The following MAGEA10 variants were observed in gnomAD, a reference collection of about 807,000 sequenced individuals.
MAGEA10 encodes the protein MAGE family member A10.
MAGEA10 carries 7 observed loss-of-function variants against 8.6 expected under a neutral mutation model. The ratio of observed to expected loss-of-function variants is 0.82; its 90% CI spans 0.46 to 1.53. The LOEUF is 1.53. Ranked by LOEUF, MAGEA10 falls within the 40% of genes most tolerant of loss-of-function variation. The pLI is 0.01. For synonymous variants in MAGEA10, 125 were observed against 107.4 expected (o/e 1.16, Z -1.02); for missense variants, 293 against 274.0 (o/e 1.07, Z -0.49).
intron 2 of MAGEA10, 128 bp downstream of exon 2, chrX:152,136,743 C>T (rs766905853): frequency 2.7e-5 from 3 of 111,733 alleles, no homozygotes; most frequent in South Asian, 3.8e-4. Flanking sequence ...TTGTATAAGA[C>T]AGGGAGACTC....
At position 152,134,533 on chromosome X, in the gene MAGEA10, C is replaced by A; in HGVS notation, c.1088G>T (p.Gly363Val). Residue 363 changes from glycine (G) to valine (V), a missense_variant, in exon 4 of 4, where the codon GGT becomes GTT. Gly to Val is a moderately radical substitution (Grantham distance 109). Coordinates refer to ENST00000370323, the MANE Select transcript of MAGEA10 (RefSeq NM_021048.5). ...AMASASSSAT[G>V]SFSYPE ...ACTTTATTCAGGGTAGGAGAAGCTA[C>A]CTGTAGCGCTAGAACTTGCACTGGC... 3 of 1,208,079 alleles carry A rather than the reference C, an allele frequency of 2.5e-6. No homozygotes were observed. The highest frequency in any genetic ancestry group is 3.4e-6 in the Non-Finnish European group (3 of 893,607).
At position 152,135,629 on chromosome X, in the gene MAGEA10, T is replaced by A. The variant is rs1936658993; in HGVS notation, c.-9A>T. ...TTTGGAGCTCGAGGCATGATGACTCTGATCAGGGTAGCAGGTGGGAGTGTG... is the reference window on the plus strand; with the variant it reads ...TTTGGAGCTCGAGGCATGATGACTCAGATCAGGGTAGCAGGTGGGAGTGTG... On this transcript the variant is annotated 5_prime_UTR_variant, in exon 4 of 4. Transcript: ENST00000370323. 6.2e-6 allele frequency: 7 copies of A among 1,129,008 alleles called. No homozygotes were observed. In the South Asian group the frequency reaches 1.7e-4, roughly 27 times the overall value. The allele number at this position is 1,129,008 out of a possible 1,213,427, so 93.0% of individuals were successfully genotyped here. A position where few individuals can be genotyped will look rare whatever the true frequency, so the allele number is the denominator to read the frequency against.
At chrX:152,137,292 C>T (rs1045308878) in intron 1 of MAGEA10, among the ~76,000 whole-genome samples, 2 of 107,158 alleles carry the variant, frequency 1.9e-5, no homozygotes, top group Admixed American at 2.0e-4. Context: ...CCTGTAATAA[C>T]TTCTTAGCAA....
chrX:152,137,765 C>T (rs1039672712), intron 1 of MAGEA10, among the ~76,000 whole-genome samples: 3 of 110,327 alleles, frequency 2.7e-5, no homozygotes, highest in African/African-American at 9.9e-5. Context: ...TAGCCCTCTC[C>T]TCATTGACAC....
intron 1 of MAGEA10, among the ~76,000 whole-genome samples, chrX:152,137,533 C>G (rs191312418): frequency 0.011 from 1,178 of 107,864 alleles, 23 homozygotes; most frequent in African/African-American, 0.037. Context: ...CCTTTCCCTC[C>G]TGCTGAATCG....
In MAGEA10 at chrX:152,134,403, C is replaced by A; in HGVS notation, c.*108G>T. On this transcript the variant is annotated 3_prime_UTR_variant, in exon 4 of 4. Transcript: ENST00000370323. ...AATGTAACTACTGCTCTACTCTCTA[C>A]TTCCATGATACCAACTTTTTTTTTT... is the stretch of plus-strand genomic sequence containing the variant. 1.4e-6 allele frequency: 1 copy of A among 711,649 alleles called. No homozygotes were observed. The highest frequency in any genetic ancestry group is 2.1e-6 in the Non-Finnish European group (1 of 487,310). 58.6% of individuals were successfully genotyped at this position (711,649 alleles called of 1,213,427 possible). A position where few individuals can be genotyped will look rare whatever the true frequency, so the allele number is the denominator to read the frequency against.
intron 1 of MAGEA10, among the ~76,000 whole-genome samples, chrX:152,137,925 C>T (rs1334067280): frequency 2.7e-5 from 3 of 110,603 alleles, no homozygotes; most frequent in East Asian, 2.9e-4. Flanking sequence ...TCCTCTACCA[C>T]GCCCCGCCGC....
At position 152,135,057 on chromosome X, in the gene MAGEA10, G is replaced by A. The variant is rs778707411; in HGVS notation, c.564C>T (p.Gly188=). ...TGGGATCCACTTCCTTTACATCAAT[G>A]CCAAAGACCAGCAGCATGCACTCGG... ...EASECMLLVF[G]IDVKEVDPTG... Residue 188 remains glycine (G), a synonymous_variant, in exon 4 of 4, where the codon GGC becomes GGT. Coordinates refer to ENST00000370323, the MANE Select transcript of MAGEA10 (RefSeq NM_021048.5). The A allele has an allele frequency of 3.3e-6, 4 of 1,211,184 alleles. No individual in the cohort carries two copies. The Admixed American group carries it at 8.7e-5, about 26-fold the overall frequency.
chrX:152,137,812 C>T (rs1373608560), intron 1 of MAGEA10, among the ~76,000 whole-genome samples: 1 of 110,338 alleles, frequency 9.1e-6, no homozygotes, highest in Middle Eastern at 4.2e-3. Context: ...CATGGGCCAC[C>T]GTGCCTGAAA....
intron 2 of MAGEA10, 84 bp downstream of exon 2, chrX:152,136,787 C>G (rs1160825568): frequency 2.7e-5 from 3 of 111,663 alleles, no homozygotes; most frequent in Non-Finnish European, 5.7e-5. Flanking sequence ...TCCAGAGTGA[C>G]AGTAGGGTCA....
At chrX:152,137,950 G>C (rs764226363) in intron 1 of MAGEA10, among the ~76,000 whole-genome samples, 2 of 110,481 alleles carry the variant, frequency 1.8e-5, no homozygotes, top group Admixed American at 1.9e-4. Context: ...CTGAGTCACC[G>C]TCCCTTGGAT....
chrX:152,138,341 T>TGGGGGGGGGGGGAGGGGGGGGGGGGGGGG (rs11365460), intron 1 of MAGEA10, 134 bp downstream of exon 1: 2 of 26,407 alleles, frequency 7.6e-5, no homozygotes, highest in East Asian at 1.7e-3. Flanking sequence ...GGGGCGGGGG[T>TGGGGGGGGGGGGAGGGGGGGGGGGGGGGG]GGGGGGGGGG....
In MAGEA10 at chrX:152,134,448, T is replaced by A; in HGVS notation, c.*63A>T. 8.2e-5 allele frequency: 61 copies of A among 745,798 alleles called. No individual in the cohort carries two copies. Among genetic ancestry groups the A allele is most frequent in the Non-Finnish European group, 9.8e-5 (51 of 519,088 alleles). The allele number at this position is 745,798 out of a possible 1,213,427, so 61.5% of individuals were successfully genotyped here. On this transcript the variant is annotated 3_prime_UTR_variant, in exon 4 of 4. Coordinates refer to ENST00000370323, the MANE Select transcript of MAGEA10 (RefSeq NM_021048.5). ...TTTTTTTTTTTTTTTAGATTCCACA[T>A]ATGAGTAAAATCATGTGGTATTTGA...
rs758455205 is a variant in MAGEA10, at chrX:152,135,474, T to A, written c.147A>T (p.Pro49=). Residue 49 remains proline, a synonymous_variant, in exon 4 of 4, where the codon CCA becomes CCT. Transcript: ENST00000370323. ...SSSTSTSSSF[P]SSFPSSSSSS... is the part of the protein sequence containing the mutation. ...AAGAGGAGGAGGAGGGAAAAGAGGA[T>A]GGAAAAGAGGAGCTGGTGGAAGTGG... The A allele has an allele frequency of 8.4e-6, 10 of 1,196,087 alleles. No individual in the cohort carries two copies. In the African/African-American group the frequency reaches 1.8e-4, roughly 21 times the overall value.
At position 152,134,418 on chromosome X, in the gene MAGEA10, CTTTTTTTT is replaced by C; in HGVS notation, c.*85_*92del. ...CTACTCTCTACTTCCATGATACCAA[CTTTTTTTT>C]TTTTTTTTTTTAGATTCCACATATG... On this transcript the variant is annotated 3_prime_UTR_variant, in exon 4 of 4. Transcript: ENST00000370323. 4 of 606,977 alleles carry C rather than the reference CTTTTTTTT, an allele frequency of 6.6e-6. No homozygotes were observed. Among genetic ancestry groups the C allele is most frequent in the Non-Finnish European group, 9.6e-6 (4 of 415,818 alleles). The allele number at this position is 606,977 out of a possible 1,213,427, so 50.0% of individuals were successfully genotyped here. A position where few individuals can be genotyped will look rare whatever the true frequency, so the allele number is the denominator to read the frequency against.
Position 152,134,638 on chromosome X carries a change from A to G in MAGEA10, c.983T>C (p.Leu328Pro). The change falls in exon 4 of 4, where the codon CTG becomes CCG. Residue 328 changes from leucine to proline, a missense_variant. Coordinates refer to ENST00000370323, the MANE Select transcript of MAGEA10 (RefSeq NM_021048.5). ...VNGSDPRSFP[L>P]WYEEALKDEE... ...ATCTTTCAAAGCCTCCTCATACCAC[A>G]GTGGGAAGGATCTTGGATCACTCCC... The G allele has an allele frequency of 4.1e-6, 5 of 1,210,669 alleles. No homozygotes were observed. Among genetic ancestry groups the G allele is most frequent in the East Asian group, 3.0e-5 (1 of 33,799 alleles).
intron 2 of MAGEA10, among the ~76,000 whole-genome samples, chrX:152,136,631 A>G (rs1354053102): frequency 9.0e-6 from 1 of 110,552 alleles, no homozygotes; most frequent in African/African-American, 3.3e-5. Context: ...GTGTCCCCTC[A>G]GTCCTCACCT....
Position 152,135,813 on chromosome X carries a change from G to A in MAGEA10, c.-118C>T. 1 of 333,031 alleles carries A rather than the reference G, an allele frequency of 3.0e-6. No individual in the cohort carries two copies. The highest frequency in any genetic ancestry group is 2.6e-5 in the African/African-American group (1 of 38,409). The allele number at this position is 333,031 out of a possible 1,213,427, so 27.4% of individuals were successfully genotyped here. A position where few individuals can be genotyped will look rare whatever the true frequency, so the allele number is the denominator to read the frequency against. ...GGTGTCCCACAGCTCTTGACCTCTT[G>A]CTCTCCCTGTCCCCTGAGAACCTGA... On this transcript the variant is annotated 5_prime_UTR_variant, in exon 3 of 4. Transcript: ENST00000370323.
In MAGEA10 at chrX:152,135,018, A is replaced by G; in HGVS notation, c.603T>C (p.Phe201=). Residue 201 remains phenylalanine (F), a synonymous_variant, in exon 4 of 4, where the codon TTT becomes TTC. Coordinates refer to ENST00000370323, the MANE Select transcript of MAGEA10 (RefSeq NM_021048.5). The part of the protein sequence containing the change: ...VKEVDPTGHS[F]VLVTSLGLTY... ...TGAGGCCCAGGGAGGTGACAAGGACAAAGGAGTGGCCAGTGGGATCCACTT... is the reference window on the plus strand; with the variant it reads ...TGAGGCCCAGGGAGGTGACAAGGACGAAGGAGTGGCCAGTGGGATCCACTT... 1.7e-6 allele frequency: 2 copies of G among 1,211,833 alleles called. No homozygotes were observed. The highest frequency in any genetic ancestry group is 2.2e-6 in the Non-Finnish European group (2 of 895,451).
Sources: gnomAD v4.1 joint callset for allele counts (sites outside exome capture counted in the v4.1 genomes callset) on GRCh38, gnomAD v4.1.1 for gene constraint, MANE v1.5 for transcripts, NCBI Gene and HGNC (gene_info 2026-07-23, HGNC 2026-07-21) for gene names.